Variants in WDFY4 observed in about 807,000 individuals in gnomAD.
The protein encoded by WDFY4 is WD repeat- and FYVE domain-containing protein 4.
Under a neutral mutation model 351.9 loss-of-function variants are expected in WDFY4, and 169 were observed. The observed-to-expected ratio is 0.48, with a 90% CI of 0.42 to 0.55. WDFY4 has a LOEUF of 0.55. Ranked by LOEUF, WDFY4 falls within the 20% of genes least tolerant of loss-of-function variation. WDFY4 has a pLI of 0.00. For synonymous variants in WDFY4, 1,622 were observed against 1,574.6 expected (o/e 1.03, Z -0.71); for missense variants, 3,803 against 3,935.6 (o/e 0.97, Z 0.90).
chr10:48,774,321 G>C, intron 13 of WDFY4, 137 bp from the exon 14 acceptor site: 1 of 875,428 alleles, frequency 1.1e-6, no homozygotes, highest in Non-Finnish European at 1.8e-6. Context: ...AGACAGGCGT[G>C]GGTGTAGTGG....
At chr10:48,855,951 A>G (rs746658641) in intron 39 of WDFY4, among the ~76,000 whole-genome samples, 20 of 152,122 alleles carry the variant, frequency 1.3e-4, no homozygotes, top group Non-Finnish European at 8.8e-5. Context: ...GTATAGAAAA[A>G]CAGTATATAT....
chr10:48,957,929 G>A (rs1374364302), intron 52 of WDFY4, among the ~76,000 whole-genome samples: 1 of 151,782 alleles, frequency 6.6e-6, no homozygotes, highest in African/African-American at 2.4e-5. Flanking sequence ...GCTGAGTCAG[G>A]GCAATTTGCA....
At chr10:48,696,880 G>A (rs145198664) in intron 1 of WDFY4, among the ~76,000 whole-genome samples, 1 of 152,386 alleles carries the variant, frequency 6.6e-6, no homozygotes, top group East Asian at 1.9e-4. Context: ...AATGTTGCAA[G>A]GACGATATTG....
intron 39 of WDFY4, among the ~76,000 whole-genome samples, chr10:48,858,009 G>A (rs912883248): frequency 3.9e-5 from 6 of 152,028 alleles, no homozygotes; most frequent in African/African-American, 4.8e-5. Flanking sequence ...GGCCAGGTTC[G>A]TCTTGAACTC....
At chr10:48,953,581 G>A (rs1230604566) in intron 51 of WDFY4, among the ~76,000 whole-genome samples, 1 of 152,172 alleles carries the variant, frequency 6.6e-6, no homozygotes, top group African/African-American at 2.4e-5. Flanking sequence ...TATATCAACA[G>A]GGTCCTGTAA....
intron 43 of WDFY4, among the ~76,000 whole-genome samples, chr10:48,885,875 G>A (rs1280328220): frequency 6.6e-6 from 1 of 152,052 alleles, no homozygotes; most frequent in African/African-American, 2.4e-5. Context: ...GTAGATACTA[G>A]AGCTCATAGA....
At chr10:48,781,477 G>A (rs1230029177) in intron 19 of WDFY4, among the ~76,000 whole-genome samples, 1 of 152,124 alleles carries the variant, frequency 6.6e-6, no homozygotes, top group East Asian at 1.9e-4. Context: ...TGTATTTTTA[G>A]TAGAGACGGG....
chr10:48,907,615 C>A (rs1837685284), intron 47 of WDFY4, among the ~76,000 whole-genome samples: 1 of 152,086 alleles, frequency 6.6e-6, no homozygotes, highest in African/African-American at 2.4e-5. Flanking sequence ...GAGAATATGA[C>A]CTTCCATGTT....
At chr10:48,913,594 A>G in intron 47 of WDFY4, 1 of 1,614,030 alleles carries the variant, frequency 6.2e-7, no homozygotes, top group Non-Finnish European at 8.5e-7. Context: ...GAGTCTATGA[A>G]TATTTCCGAC....
At chr10:48,903,612 G>A (rs2133424984) in intron 47 of WDFY4, among the ~76,000 whole-genome samples, 1 of 152,316 alleles carries the variant, frequency 6.6e-6, no homozygotes, top group Admixed American at 6.5e-5. Flanking sequence ...ATAAGACAGA[G>A]GATTTAGGCT....
intron 47 of WDFY4, among the ~76,000 whole-genome samples, chr10:48,925,783 C>T (rs1277228425): frequency 6.6e-6 from 1 of 152,120 alleles, no homozygotes; most frequent in African/African-American, 2.4e-5. Context: ...GGATTTCTGA[C>T]ATCAATTTTG....
chr10:48,831,052 A>G (rs1349963401), intron 38 of WDFY4, among the ~76,000 whole-genome samples, 167 bp downstream of exon 38: 2 of 152,206 alleles, frequency 1.3e-5, no homozygotes, highest in African/African-American at 4.8e-5. Context: ...TTTCCTCACA[A>G]ATAATGAATA....
intron 27 of WDFY4, among the ~76,000 whole-genome samples, chr10:48,807,268 A>T (rs1388241634): frequency 2.0e-5 from 3 of 152,254 alleles, no homozygotes; most frequent in African/African-American, 7.2e-5. Context: ...TCCTTCTCAT[A>T]TGAACTGCAT....
intron 59 of WDFY4, 89 bp from the exon 60 acceptor site, chr10:48,978,220 C>A (rs973277566): frequency 1.9e-4 from 257 of 1,341,046 alleles, no homozygotes; most frequent in Middle Eastern, 5.5e-4. Context: ...CCCTGGGGGA[C>A]CCCTAGGCGT....
chr10:48,720,083 C>T lies in WDFY4; in HGVS notation c.307C>T (p.Leu103Phe). 1 of 1,551,802 alleles carries T rather than the reference C, an allele frequency of 6.4e-7. No homozygotes were observed. The highest frequency in any genetic ancestry group is 8.7e-7 in the Non-Finnish European group (1 of 1,147,004). ...QRLAEDVSDQLAQQLQKALVG... is the reference protein window; with the variant it reads ...QRLAEDVSDQFAQQLQKALVG... ...GCTGGCTGAAGACGTGTCTGACCAG[C>T]TTGCCCAGCAACTCCAGAAGGCCCT... Residue 103 changes from leucine (L) to phenylalanine (F), a missense_variant, in exon 3 of 62, where the codon CTT becomes TTT. Transcript: ENST00000325239.
At chr10:48,872,419 A>G (rs2069818637) in intron 40 of WDFY4, among the ~76,000 whole-genome samples, 1 of 152,166 alleles carries the variant, frequency 6.6e-6, no homozygotes, top group South Asian at 2.1e-4. Context: ...CATCATGGGG[A>G]TGATCGAAAA....
At chr10:48,875,509 G>C (rs528302170) in intron 42 of WDFY4, among the ~76,000 whole-genome samples, 33 of 152,246 alleles carry the variant, frequency 2.2e-4, no homozygotes, top group African/African-American at 7.5e-4. Flanking sequence ...CCACCTCCTG[G>C]GCTCACACAA....
intron 47 of WDFY4, among the ~76,000 whole-genome samples, chr10:48,923,291 G>A (rs548314656): frequency 3.9e-4 from 59 of 151,926 alleles, no homozygotes; most frequent in Middle Eastern, 3.4e-3. Context: ...ACAGATGTTC[G>A]CAAGCTGGCA....
rs2068023495 is a variant in WDFY4, at chr10:48,826,754, A to G, written c.6066A>G (p.Leu2022=). ...SSLNKVILYC[L]SKPQQSLSEC... ...TAAATAAAGTCATTCTTTATTGCCT[A>G]TCCAAGCCCCAGCAGTCCCTCTCCG... The change falls in exon 36 of 62, where the codon CTA becomes CTG. Residue 2022 remains leucine (L), a synonymous_variant. Coordinates refer to ENST00000325239, the MANE Select transcript of WDFY4 (RefSeq NM_001394531.1). The G allele has an allele frequency of 3.2e-6, 5 of 1,551,770 alleles. No individual in the cohort carries two copies. In the East Asian group the frequency reaches 7.3e-5, roughly 23 times the overall value.
Sources: gnomAD v4.1 joint callset for allele counts (sites outside exome capture counted in the v4.1 genomes callset) on GRCh38, gnomAD v4.1.1 for gene constraint, MANE v1.5 for transcripts, NCBI Gene and HGNC (gene_info 2026-07-23, HGNC 2026-07-21) for gene names.